The following SKAP2 variants were observed in gnomAD, a reference collection of about 807,000 sequenced individuals.
The protein encoded by SKAP2 is src kinase-associated phosphoprotein 2.
In SKAP2, 28 loss-of-function variants were observed where a neutral mutation model predicts 54.9. That is an observed-to-expected ratio of 0.51 (90% CI 0.38 to 0.70). SKAP2 has a LOEUF of 0.70. Ranked by LOEUF, SKAP2 falls within the 30% of genes least tolerant of loss-of-function variation. The pLI, the probability that SKAP2 is intolerant of heterozygous loss-of-function variation, is 0.00. For synonymous variants in SKAP2, 137 were observed against 134.3 expected (o/e 1.02, Z -0.14); for missense variants, 356 against 424.1 (o/e 0.84, Z 1.41).
intron 4 of SKAP2, among the ~76,000 whole-genome samples, chr7:26,741,532 C>T (rs1782453700): frequency 7.1e-6 from 1 of 140,480 alleles, no homozygotes; most frequent in African/African-American, 2.8e-5. Flanking sequence ...GAGTGAGACC[C>T]TGTCTCTAAA....
intron 10 of SKAP2, among the ~76,000 whole-genome samples, chr7:26,686,599 G>GA (rs1215716354): frequency 1.3e-5 from 2 of 151,948 alleles, no homozygotes; most frequent in African/African-American, 2.4e-5. Context: ...AATTTTAAAA[G>GA]AAAAAAATCA....
At chr7:26,738,163 C>T (rs1787981841) in intron 6 of SKAP2, among the ~76,000 whole-genome samples, 1 of 152,248 alleles carries the variant, frequency 6.6e-6, no homozygotes, top group African/African-American at 2.4e-5. Flanking sequence ...TGCCATTTTC[C>T]AACTCTGTGA....
At chr7:26,817,614 A>G (rs538874440) in intron 4 of SKAP2, among the ~76,000 whole-genome samples, 1 of 152,286 alleles carries the variant, frequency 6.6e-6, no homozygotes, top group Non-Finnish European at 1.5e-5. Flanking sequence ...AGATAGACAC[A>G]TGACACAGGT....
the SKAP2 span, among the ~76,000 whole-genome samples, chr7:26,661,897 T>G: frequency 1.3e-5 from 2 of 152,168 alleles, no homozygotes; most frequent in Non-Finnish European, 2.9e-5. Flanking sequence ...TTCAAGTCAC[T>G]TCTAAACATA....
At chr7:26,860,907 G>T (rs1051966175) in intron 1 of SKAP2, among the ~76,000 whole-genome samples, 1 of 1,532 alleles carries the variant, frequency 6.5e-4, no homozygotes, top group African/African-American at 2.6e-3. Flanking sequence ...GGAAAATGTG[G>T]TATTTCTAAT....
At chr7:26,810,709 G>A (rs186824201) in intron 4 of SKAP2, among the ~76,000 whole-genome samples, 1 of 152,182 alleles carries the variant, frequency 6.6e-6, no homozygotes, top group Admixed American at 6.5e-5. Context: ...TTGAGACACA[G>A]TCTCACTCTG....
chr7:26,810,773 C>G (rs1414077079), intron 4 of SKAP2, among the ~76,000 whole-genome samples: 1 of 152,152 alleles, frequency 6.6e-6, no homozygotes, highest in Non-Finnish European at 1.5e-5. Context: ...CCTCCACTTC[C>G]CAGGTTCAAG....
chr7:26,739,156 T>C (rs187708322), intron 5 of SKAP2, among the ~76,000 whole-genome samples: 21 of 152,328 alleles, frequency 1.4e-4, no homozygotes, highest in Non-Finnish European at 2.6e-4. Context: ...AGTCTTGAGA[T>C]AATTGATCCA....
At chr7:26,679,741 CTTTCA>C (rs1374336270) in intron 11 of SKAP2, among the ~76,000 whole-genome samples, 1 of 152,126 alleles carries the variant, frequency 6.6e-6, no homozygotes, top group Non-Finnish European at 1.5e-5. Flanking sequence ...CTCAACAAGA[CTTTCA>C]TTTCATTTAT....
intron 4 of SKAP2, among the ~76,000 whole-genome samples, chr7:26,822,752 G>A (rs367856156): frequency 7.9e-5 from 12 of 151,700 alleles, no homozygotes; most frequent in East Asian, 1.9e-4. Flanking sequence ...GCGTGGTGGC[G>A]GGCGCCTGCA....
chr7:26,753,235 A>G (rs1323725318), intron 4 of SKAP2, among the ~76,000 whole-genome samples: 2 of 152,338 alleles, frequency 1.3e-5, no homozygotes, highest in Non-Finnish European at 2.9e-5. Flanking sequence ...AGGCTAAAAT[A>G]GTGTGTCACA....
rs1471048376 is a variant in SKAP2 at position 26,770,474 on chromosome 7, C to T, written c.308-30510G>A. On this transcript the variant is annotated intron_variant, in intron 4 of 12. Coordinates refer to ENST00000345317, the MANE Select transcript of SKAP2 (RefSeq NM_003930.5). Reference sequence around the variant, plus strand: ...TCCAGGGGAATGAACAGTTCTGTTTCGCTGGTGTTCCAGGTGCCACTGGAG... The same window carrying T: ...TCCAGGGGAATGAACAGTTCTGTTTTGCTGGTGTTCCAGGTGCCACTGGAG... Among the ~76,000 whole-genome samples the T allele has an allele frequency of 2.6e-5, 4 of 152,082 alleles. No individual in the cohort carries two copies. In the East Asian group the frequency reaches 5.8e-4, roughly 22 times the overall value.
intron 4 of SKAP2, among the ~76,000 whole-genome samples, chr7:26,783,193 G>A (rs1783463999): frequency 6.6e-6 from 1 of 151,984 alleles, no homozygotes; most frequent in Non-Finnish European, 1.5e-5. Context: ...CCATGAATTT[G>A]CCTAAAGCAG....
At chr7:26,856,235 G>C (rs1056749846) in intron 1 of SKAP2, among the ~76,000 whole-genome samples, 1 of 152,016 alleles carries the variant, frequency 6.6e-6, no homozygotes, top group Admixed American at 6.6e-5. Context: ...AACGACTAAT[G>C]TGTTAAAAAT....
At chr7:26,679,078 A>C (rs925239572) in intron 11 of SKAP2, among the ~76,000 whole-genome samples, 1 of 152,158 alleles carries the variant, frequency 6.6e-6, no homozygotes, top group African/African-American at 2.4e-5. Flanking sequence ...TGCTGAAGTA[A>C]ATCACATAGG....
chr7:26,829,016 G>A (rs12540508), intron 4 of SKAP2, among the ~76,000 whole-genome samples: 32,166 of 151,966 alleles, frequency 0.21, 3,493 homozygotes, highest in Non-Finnish European at 0.24. Flanking sequence ...GCGACAGAGC[G>A]AGACTCTGTC....
chr7:26,846,214 C>T (rs927150493), intron 3 of SKAP2, among the ~76,000 whole-genome samples: 3 of 151,874 alleles, frequency 2.0e-5, no homozygotes, highest in African/African-American at 7.3e-5. Flanking sequence ...ACTTCAAAAA[C>T]ATTACTAGAA....
intron 4 of SKAP2, among the ~76,000 whole-genome samples, chr7:26,752,067 T>TA (rs955845961): frequency 5.5e-4 from 83 of 152,254 alleles, no homozygotes; most frequent in South Asian, 1.2e-3. Flanking sequence ...CAATATTTTT[T>TA]AAAATCAAGG....
intron 9 of SKAP2, among the ~76,000 whole-genome samples, chr7:26,717,698 T>G (rs1010145641): frequency 2.0e-5 from 3 of 150,032 alleles, no homozygotes; most frequent in Non-Finnish European, 3.0e-5. Flanking sequence ...CTGGGCGTGG[T>G]GGCGCATGCC....
Sources: allele counts gnomAD v4.1 joint callset (sites outside exome capture counted in the v4.1 genomes callset), GRCh38; gene constraint gnomAD v4.1.1; transcripts MANE v1.5; gene names NCBI Gene and HGNC (gene_info 2026-07-23, HGNC 2026-07-21).